Variants in STYX observed in about 807,000 individuals in gnomAD.
STYX encodes the protein serine/threonine/tyrosine interacting protein.
In STYX, 20 loss-of-function variants were observed where a neutral mutation model predicts 42.7. That is an observed-to-expected ratio of 0.47 (90% confidence interval 0.33 to 0.68). The LOEUF is 0.68. STYX is among the 30% of genes least tolerant of loss of function. The pLI is 0.02. For synonymous variants in STYX, 78 were observed against 81.9 expected, an observed-to-expected ratio of 0.95 and a Z score of 0.26; for missense variants, 226 against 268.5, an observed-to-expected ratio of 0.84 and a Z score of 1.11.
intron 9 of STYX, among the ~76,000 whole-genome samples, chr14:52,768,565 A>G (rs1882396005): frequency 6.6e-6 from 1 of 152,188 alleles, no homozygotes; most frequent in East Asian, 1.9e-4. Context: ...TTTTTTAAAC[A>G]GATGAAGTCA....
intron 10 of STYX, 63 bp downstream of exon 10, chr14:52,768,996 C>G (rs1048709242): frequency 4.1e-6 from 5 of 1,216,450 alleles, no homozygotes; most frequent in African/African-American, 1.5e-5. Context: ...GGAGAACTTG[C>G]TACAAGTTAC....
rs568330732 is a variant in STYX, at chr14:52,772,164, A to G, written c.*1058A>G. 8.5e-5 allele frequency: 13 copies of G among 152,306 alleles called. No homozygotes were observed. The South Asian group carries it at 2.7e-3, about 32-fold the overall frequency. 9.4% of individuals were successfully genotyped at this position (152,306 alleles called of 1,614,324 possible). The stretch of plus-strand genomic sequence containing the variant: ...TTCCTTTCTTTTTAAACCATAAATT[A>G]GTTTAAACTGAAAGTACGAGGCTGG... On this transcript the variant is annotated 3_prime_UTR_variant, in exon 11 of 11. Transcript: ENST00000354586.
chr14:52,731,949 CTT>C (rs11354417), intron 1 of STYX, among the ~76,000 whole-genome samples: 171 of 136,264 alleles, frequency 1.3e-3, no homozygotes, highest in Middle Eastern at 3.7e-3. Flanking sequence ...GCTAATTTTT[CTT>C]TTTTTTTTTT....
At chr14:52,732,550 G>A (rs532002039) in intron 1 of STYX, among the ~76,000 whole-genome samples, 11 of 152,214 alleles carry the variant, frequency 7.2e-5, no homozygotes, top group East Asian at 3.9e-4. Flanking sequence ...AGGGATTACA[G>A]GCGTGAGCTA....
At position 52,730,441 on chromosome 14, in the gene STYX, T is replaced by C; in HGVS notation, c.-34T>C. The C allele has an allele frequency of 6.2e-7, 1 of 1,610,632 alleles. No individual in the cohort carries two copies. The highest frequency in any genetic ancestry group is 8.5e-7 in the Non-Finnish European group (1 of 1,178,588). On this transcript the variant is annotated 5_prime_UTR_variant, in exon 1 of 11. Transcript: ENST00000354586. ...AGGGTCGGCCGGCTGTGTAACACTCTCCCACCCCACCCACCAGCCCGCGGG... is the reference window on the plus strand; with the variant it reads ...AGGGTCGGCCGGCTGTGTAACACTCCCCCACCCCACCCACCAGCCCGCGGG...
chr14:52,749,675 A>T (rs187338590), intron 3 of STYX, among the ~76,000 whole-genome samples: 3 of 152,296 alleles, frequency 2.0e-5, no homozygotes, highest in Admixed American at 2.0e-4. Flanking sequence ...ACATCTATAA[A>T]CTCACTTAAA....
At chr14:52,750,324 G>A (rs556735932) in intron 3 of STYX, among the ~76,000 whole-genome samples, 1 of 152,174 alleles carries the variant, frequency 6.6e-6, no homozygotes, top group Admixed American at 6.5e-5. Flanking sequence ...TGTCTTAGTG[G>A]TTCTCTCTAA....
rs1251284483 is a variant in STYX, at chr14:52,774,672, T to G, written c.*3566T>G. The G allele has an allele frequency of 6.6e-6, 1 of 151,444 alleles. No individual in the cohort carries two copies. Among genetic ancestry groups the G allele is most frequent in the East Asian group, 1.9e-4 (1 of 5,164 alleles). The allele number at this position is 151,444 out of a possible 1,614,324, so 9.4% of individuals were successfully genotyped here. A position where few individuals can be genotyped will look rare whatever the true frequency, so the allele number is the denominator to read the frequency against. ...AAAATATTCAGGTTTACATGTTAGC[T>G]CTCTCTCATAGGGAGCTGCCATACC... On this transcript the variant is annotated 3_prime_UTR_variant, in exon 11 of 11. Coordinates refer to ENST00000354586, the MANE Select transcript of STYX (RefSeq NM_145251.4).
At chr14:52,767,306 C>G (rs930786234) in intron 9 of STYX, among the ~76,000 whole-genome samples, 6 of 152,146 alleles carry the variant, frequency 3.9e-5, no homozygotes, top group African/African-American at 1.4e-4. Context: ...TGCCAAAGTC[C>G]CCACATTAAG....
intron 9 of STYX, among the ~76,000 whole-genome samples, chr14:52,766,062 T>A (rs766195655): frequency 1.3e-5 from 2 of 152,162 alleles, no homozygotes; most frequent in Non-Finnish European, 2.9e-5. Flanking sequence ...AGTGGCGCGA[T>A]CATGGTTCAC....
At chr14:52,766,111 C>G (rs2139935060) in intron 9 of STYX, among the ~76,000 whole-genome samples, 2 of 152,226 alleles carry the variant, frequency 1.3e-5, no homozygotes, top group South Asian at 4.1e-4. Flanking sequence ...ATCTTCCCAC[C>G]CTAGCTTCCT....
At chr14:52,740,978 A>G (rs1489108245) in intron 1 of STYX, among the ~76,000 whole-genome samples, 17 of 152,184 alleles carry the variant, frequency 1.1e-4, no homozygotes, top group Admixed American at 1.1e-3. Context: ...CTTGAACTTG[A>G]TACAAATGGA....
At chr14:52,740,616 A>G (rs1268656822) in intron 1 of STYX, among the ~76,000 whole-genome samples, 1 of 152,214 alleles carries the variant, frequency 6.6e-6, no homozygotes, top group African/African-American at 2.4e-5. Context: ...TTCCGAGCAT[A>G]TATTCTTAAT....
rs146427848 is a variant in STYX at position 52,731,219 on chromosome 14, A to C, written c.57+688A>C. ...TCATCTGTTGCTAGTTTAACATTTT[A>C]CGGCATTGCAGACTACTAAATTAGA... On this transcript the variant is annotated intron_variant, in intron 1 of 10. Transcript: ENST00000354586. 1.0e-3 allele frequency among the ~76,000 whole-genome samples: 153 copies of C among 152,196 alleles called. No individual in the cohort carries two copies. In the Middle Eastern group the frequency reaches 0.01, roughly 10 times the overall value.
At position 52,750,859 on chromosome 14, in the gene STYX, A is replaced by G. The variant is rs550241292; in HGVS notation, c.242+79A>G. 2.8e-5 allele frequency: 26 copies of G among 937,714 alleles called. No homozygotes were observed. In the African/African-American group the frequency reaches 3.4e-4, roughly 12 times the overall value. The allele number at this position is 937,714 out of a possible 1,614,324, so 58.1% of individuals were successfully genotyped here. On this transcript the variant is annotated intron_variant, in intron 4 of 10. Transcript: ENST00000354586. Reference sequence around the variant, plus strand: ...TTTGTACCATCAGTTGTTTCTGTACATATCTAGTTTGTAAAAATGGGTCAT... The same window carrying G: ...TTTGTACCATCAGTTGTTTCTGTACGTATCTAGTTTGTAAAAATGGGTCAT...
intron 4 of STYX, among the ~76,000 whole-genome samples, chr14:52,755,044 A>G (rs1881795112): frequency 6.6e-6 from 1 of 152,012 alleles, no homozygotes; most frequent in Non-Finnish European, 1.5e-5. Context: ...TCATTGTCGA[A>G]ATCCTTGTAG....
intron 4 of STYX, among the ~76,000 whole-genome samples, chr14:52,753,406 C>T (rs1047276721): frequency 4.6e-5 from 7 of 151,752 alleles, no homozygotes; most frequent in East Asian, 1.9e-4. Context: ...AGGCTGGTCT[C>T]GAACTCCTGA....
In STYX at chr14:52,730,387, T is replaced by A; in HGVS notation, c.-88T>A. The A allele has an allele frequency of 7.0e-7, 1 of 1,436,832 alleles. No individual in the cohort carries two copies. The highest frequency in any genetic ancestry group is 9.7e-7 in the Non-Finnish European group (1 of 1,036,126). The allele number at this position is 1,436,832 out of a possible 1,614,324, so 89.0% of individuals were successfully genotyped here. On this transcript the variant is annotated 5_prime_UTR_variant, in exon 1 of 11. Coordinates refer to ENST00000354586, the MANE Select transcript of STYX (RefSeq NM_145251.4). The stretch of plus-strand genomic sequence containing the variant: ...TGTCAGCCCTCCGCTCCGCCGGCCC[T>A]CCTTCCTTCCGCCGCCGCAGCCAGC...
chr14:52,756,977 G>A (rs1312952267), intron 5 of STYX, among the ~76,000 whole-genome samples: 9 of 152,070 alleles, frequency 5.9e-5, no homozygotes, highest in Non-Finnish European at 8.8e-5. Context: ...GTGAGCCACC[G>A]TGCCCAGCCC....
Sources: gnomAD v4.1 joint callset for allele counts (sites outside exome capture counted in the v4.1 genomes callset) on GRCh38, gnomAD v4.1.1 for gene constraint, MANE v1.5 for transcripts, NCBI Gene and HGNC (gene_info 2026-07-23, HGNC 2026-07-21) for gene names.